Variants in RFX3 observed in about 807,000 individuals in gnomAD.
RFX3 encodes the protein transcription factor RFX3.
In RFX3, 14 loss-of-function variants were observed where a neutral mutation model predicts 98.6. The ratio of observed to expected loss-of-function variants is 0.14; its 90% confidence interval spans 0.09 to 0.22. RFX3 has a LOEUF of 0.22. RFX3 is among the 10% of genes least tolerant of loss of function. The pLI, the probability that RFX3 is intolerant of heterozygous loss-of-function variation, is 1.00. For missense variants in RFX3, 639 were observed against 926.9 expected (o/e 0.69, Z 4.03); for synonymous variants, 383 against 328.4 (o/e 1.17, Z -1.80).
At chr9:3,339,869 C>T (rs1003713049) in intron 3 of RFX3, among the ~76,000 whole-genome samples, 5 of 152,040 alleles carry the variant, frequency 3.3e-5, no homozygotes, top group South Asian at 2.1e-4. Flanking sequence ...ATCAAGCTAC[C>T]GATGACTTTC....
intron 1 of RFX3, among the ~76,000 whole-genome samples, chr9:3,504,934 TAA>T (rs1491556202): frequency 1.4e-4 from 9 of 63,662 alleles, no homozygotes; most frequent in African/African-American, 4.7e-4. Context: ...ATATTATATA[TAA>T]TATATATAAT....
chr9:3,379,991 A>C (rs1485967443), intron 2 of RFX3, among the ~76,000 whole-genome samples: 1 of 151,706 alleles, frequency 6.6e-6, no homozygotes, highest in Non-Finnish European at 1.5e-5. Flanking sequence ...CAATGGTGTG[A>C]TCTCAGCTCA....
intron 1 of RFX3, among the ~76,000 whole-genome samples, chr9:3,453,289 T>A (rs1423823584): frequency 6.6e-6 from 1 of 152,148 alleles, no homozygotes; most frequent in Non-Finnish European, 1.5e-5. Context: ...GCAATTATTA[T>A]TCGCAGTTCA....
intron 1 of RFX3, among the ~76,000 whole-genome samples, chr9:3,438,358 T>G (rs1170907095): frequency 6.6e-6 from 1 of 152,078 alleles, no homozygotes; most frequent in Non-Finnish European, 1.5e-5. Context: ...AGTAAGTCTA[T>G]ATCTATCTTT....
intron 3 of RFX3, among the ~76,000 whole-genome samples, chr9:3,336,858 A>G (rs1305875956): frequency 6.6e-6 from 1 of 152,180 alleles, no homozygotes; most frequent in African/African-American, 2.4e-5. Flanking sequence ...TAATGAGAAT[A>G]AGAATCATTT....
At chr9:3,467,053 TAC>T (rs1848302967) in intron 1 of RFX3, among the ~76,000 whole-genome samples, 1 of 143,054 alleles carries the variant, frequency 7.0e-6, no homozygotes, top group Non-Finnish European at 1.5e-5. Flanking sequence ...TATATGTATA[TAC>T]ATACATATAT....
At chr9:3,266,448 C>A (rs1411104378) in intron 11 of RFX3, 143 bp from the exon 12 acceptor site, 1 of 448,402 alleles carries the variant, frequency 2.2e-6, no homozygotes, top group Admixed American at 3.9e-5. Flanking sequence ...CTTTATTTAA[C>A]ATTATTCCTA....
rs374302554 is a variant in RFX3, at chr9:3,412,382, T to A, written c.-8-16786A>T. Among the ~76,000 whole-genome samples the A allele has an allele frequency of 1.3e-3, 199 of 152,328 alleles. 1 individual carries two copies. The highest frequency in any genetic ancestry group is 4.5e-3 in the African/African-American group (189 of 41,570). ...ATAAGGAATGTTATGAATTATAGAA[T>A]TGAGCTCTTAAGTTGACTCAAAGAT... On this transcript the variant is annotated intron_variant, in intron 1 of 16. Transcript: ENST00000617270.
chr9:3,371,738 T>C lies in RFX3; in HGVS notation c.117+23734A>G, dbSNP rs76432761. ...CATAACAAAGAAAACCTAAAATAAT[T>C]TGGGTTAGTAGAGAACAGAAGGCTA... On this transcript the variant is annotated intron_variant, in intron 2 of 16. Transcript: ENST00000617270. 6.0e-3 allele frequency among the ~76,000 whole-genome samples: 908 copies of C among 152,128 alleles called. 23 individuals carry two copies. The East Asian group carries it at 0.076, about 13-fold the overall frequency.
intron 1 of RFX3, among the ~76,000 whole-genome samples, chr9:3,410,374 C>G (rs556435544): frequency 6.6e-6 from 1 of 152,120 alleles, no homozygotes; most frequent in South Asian, 2.1e-4. Context: ...GTCTCAGGCT[C>G]AGAATTTTAT....
chr9:3,450,544 G>T (rs1218708957), intron 1 of RFX3, among the ~76,000 whole-genome samples: 1 of 152,086 alleles, frequency 6.6e-6, no homozygotes, highest in East Asian at 1.9e-4. Context: ...GAAGGTGGAA[G>T]AAAGTATTAT....
intron 2 of RFX3, among the ~76,000 whole-genome samples, chr9:3,370,268 T>C (rs917195834): frequency 4.0e-5 from 6 of 151,430 alleles, no homozygotes; most frequent in African/African-American, 4.8e-5. Flanking sequence ...TTCAATTCAA[T>C]ATTAATTATT....
intron 13 of RFX3, among the ~76,000 whole-genome samples, chr9:3,260,814 A>G (rs1013751292): frequency 6.6e-6 from 1 of 150,732 alleles, no homozygotes; most frequent in African/African-American, 2.4e-5. Context: ...CTAGATGGAT[A>G]GATGATATTT....
intron 1 of RFX3, among the ~76,000 whole-genome samples, chr9:3,420,020 C>A (rs377315525): frequency 3.3e-5 from 5 of 152,194 alleles, no homozygotes; most frequent in Non-Finnish European, 5.9e-5. Context: ...TTGTCATCGT[C>A]GCACGTGAAG....
chr9:3,401,822 C>T (rs1006836045), intron 1 of RFX3, among the ~76,000 whole-genome samples: 4 of 152,066 alleles, frequency 2.6e-5, no homozygotes, highest in Admixed American at 1.3e-4. Flanking sequence ...CTGAATCATG[C>T]GAATCTACAG....
intron 1 of RFX3, among the ~76,000 whole-genome samples, chr9:3,441,382 A>AGTGAC (rs1387626496): frequency 6.6e-6 from 1 of 152,142 alleles, no homozygotes; most frequent in East Asian, 1.9e-4. Context: ...TCTGCCAAGC[A>AGTGAC]AACCTAGACA....
At position 3,277,398 on chromosome 9, in the gene RFX3, T is replaced by C; in HGVS notation, c.915A>G (p.Thr305=). Residue 305 remains threonine, a synonymous_variant, in exon 8 of 17, where the codon ACA becomes ACG. Coordinates refer to ENST00000617270, the MANE Select transcript of RFX3 (RefSeq NM_001282116.2). ...TTACAGTTTGCTCAACAGATGTGCC[T>C]GTCTGTTGACCACTTCCTGTGAAAC... is the stretch of plus-strand genomic sequence containing the variant. ...ADGFTGSGQQ[T]GTSVEQTVIA... 4.3e-6 allele frequency: 7 copies of C among 1,612,064 alleles called. No individual in the cohort carries two copies. Among genetic ancestry groups the C allele is most frequent in the Non-Finnish European group, 3.4e-6 (4 of 1,178,336 alleles).
chr9:3,440,935 TA>T (rs1845555630), intron 1 of RFX3, among the ~76,000 whole-genome samples: 1 of 152,162 alleles, frequency 6.6e-6, no homozygotes, highest in South Asian at 2.1e-4. Context: ...GACCCATATA[TA>T]AATGATAACC....
chr9:3,442,579 G>C (rs1845698064), intron 1 of RFX3, among the ~76,000 whole-genome samples: 1 of 152,154 alleles, frequency 6.6e-6, no homozygotes, highest in African/African-American at 2.4e-5. Context: ...AAAGTCTGAA[G>C]TATAGCCAAT....
Sources: gnomAD v4.1 joint callset for allele counts (sites outside exome capture counted in the v4.1 genomes callset) on GRCh38, gnomAD v4.1.1 for gene constraint, MANE v1.5 for transcripts, NCBI Gene and HGNC (gene_info 2026-07-23, HGNC 2026-07-21) for gene names.